Variants in SLCO3A1 observed in about 807,000 individuals in gnomAD.
The protein encoded by SLCO3A1 is PGE1 transporter.
A neutral mutation model predicts 63.1 loss-of-function variants in SLCO3A1; 27 were observed. The ratio of observed to expected loss-of-function variants is 0.43; its 90% CI spans 0.32 to 0.59. SLCO3A1 has a LOEUF of 0.59. Ranked by LOEUF, SLCO3A1 falls within the 20% of genes least tolerant of loss-of-function variation. The probability of loss-of-function intolerance (pLI) is 0.09; values close to 1 mark genes in which losing one functional copy is unlikely to be tolerated. For missense variants in SLCO3A1, 773 were observed against 945.8 expected (o/e 0.82, Z 2.40); for synonymous variants, 473 against 409.9 (o/e 1.15, Z -1.86).
chr15:92,113,951 C>T (rs2047760760), intron 4 of SLCO3A1, among the ~76,000 whole-genome samples: 1 of 152,182 alleles, frequency 6.6e-6, no homozygotes, highest in Admixed American at 6.5e-5. Flanking sequence ...AATTTTGATT[C>T]TGTGAGTAGA....
rs779836358 is a variant in SLCO3A1, at chr15:91,865,418, A to G, written c.180+11330A>G. On this transcript the variant is annotated intron_variant, in intron 1 of 9. Coordinates refer to ENST00000318445, the MANE Select transcript of SLCO3A1 (RefSeq NM_013272.4). The surrounding 1 kb of genome is among the most constrained non-coding windows in gnomAD (Gnocchi z 4.6). Reference sequence around the variant, plus strand: ...ATGAGATGGTAGGCATTTCAGAAGGAAAAAACCAGGTCTATTCATTAACTA... The same window carrying G: ...ATGAGATGGTAGGCATTTCAGAAGGGAAAAACCAGGTCTATTCATTAACTA... Among the ~76,000 whole-genome samples, 1 of 152,152 alleles carries G rather than the reference A, an allele frequency of 6.6e-6. No homozygotes were observed. The highest frequency in any genetic ancestry group is 1.5e-5 in the Non-Finnish European group (1 of 68,042).
chr15:92,081,627 C>G (rs2047347816), intron 2 of SLCO3A1, among the ~76,000 whole-genome samples: 1 of 152,224 alleles, frequency 6.6e-6, no homozygotes, highest in Non-Finnish European at 1.5e-5. Context: ...CTCGGCCTCC[C>G]AAAGTCCTGG....
chr15:91,892,087 T>C (rs1172131402), intron 1 of SLCO3A1, among the ~76,000 whole-genome samples: 1 of 152,224 alleles, frequency 6.6e-6, no homozygotes. Flanking sequence ...TCCCCCCAGC[T>C]TTGCCCTTTT....
chr15:92,049,337 A>G (rs1251631883), intron 2 of SLCO3A1, among the ~76,000 whole-genome samples: 1 of 152,188 alleles, frequency 6.6e-6, no homozygotes, highest in Non-Finnish European at 1.5e-5. Context: ...TGATTGGCTC[A>G]GCTCGGGTGA....
chr15:91,879,172 G>C (rs930999938), intron 1 of SLCO3A1, among the ~76,000 whole-genome samples: 1 of 152,176 alleles, frequency 6.6e-6, no homozygotes, highest in Non-Finnish European at 1.5e-5. Context: ...TGGTTATATA[G>C]AATATCTGTT....
At chr15:92,052,114 C>T (rs1395756152) in intron 2 of SLCO3A1, among the ~76,000 whole-genome samples, 1 of 152,126 alleles carries the variant, frequency 6.6e-6, no homozygotes, top group African/African-American at 2.4e-5. Flanking sequence ...ATATCCCCAA[C>T]CCCTCCTTGC....
chr15:91,872,261 G>A lies in SLCO3A1; in HGVS notation c.180+18173G>A, dbSNP rs1021676007. Among the ~76,000 whole-genome samples, 1 of 152,166 alleles carries A rather than the reference G, an allele frequency of 6.6e-6. No individual in the cohort carries two copies. Among genetic ancestry groups the A allele is most frequent in the Non-Finnish European group, 1.5e-5 (1 of 68,026 alleles). ...GTTAAAGAATGTGCTGGATGGGCAC[G>A]GTGGCTCACGCCTGTAATCCCAGCA... On this transcript the variant is annotated intron_variant, in intron 1 of 9. Coordinates refer to ENST00000318445, the MANE Select transcript of SLCO3A1 (RefSeq NM_013272.4). This position sits in a 1 kb window ranked among gnomAD's most constrained non-coding sequence, Gnocchi z 4.1.
rs996303970 is a variant in SLCO3A1 at position 91,954,249 on chromosome 15, G to A, written c.646+37791G>A. On this transcript the variant is annotated intron_variant, in intron 2 of 9. Coordinates refer to ENST00000318445, the MANE Select transcript of SLCO3A1 (RefSeq NM_013272.4). The surrounding 1 kb of genome is among the most constrained non-coding windows in gnomAD (Gnocchi z 4.7). The stretch of plus-strand genomic sequence containing the variant: ...TGAGAATTCCATTGGATTAGAAGCT[G>A]TGCGGGTGCCCCTACGTTCTCACTT... Among the ~76,000 whole-genome samples the A allele has an allele frequency of 6.6e-6, 1 of 152,218 alleles. No individual in the cohort carries two copies. Among genetic ancestry groups the A allele is most frequent in the Non-Finnish European group, 1.5e-5 (1 of 68,030 alleles).
intron 3 of SLCO3A1, among the ~76,000 whole-genome samples, chr15:92,096,258 A>C (rs556857119): frequency 6.6e-6 from 1 of 152,338 alleles, no homozygotes; most frequent in African/African-American, 2.4e-5. Flanking sequence ...ACCCAAGAGA[A>C]GGTGAGAGAG....
chr15:92,162,593 A>C (rs1391742096), intron 9 of SLCO3A1, 163 bp from the exon 10 acceptor site: 2 of 1,166,940 alleles, frequency 1.7e-6, no homozygotes, highest in Non-Finnish European at 2.3e-6. Context: ...AAAAAGGCAG[A>C]ACTGGGACAC....
intron 1 of SLCO3A1, among the ~76,000 whole-genome samples, chr15:91,881,912 C>T (rs1897598617): frequency 6.6e-6 from 1 of 152,142 alleles, no homozygotes; most frequent in Non-Finnish European, 1.5e-5. Flanking sequence ...CTGCTCCATC[C>T]CTGGCCAGGT....
At chr15:91,964,273 A>G (rs978129744) in intron 2 of SLCO3A1, among the ~76,000 whole-genome samples, 2 of 151,314 alleles carry the variant, frequency 1.3e-5, no homozygotes, top group African/African-American at 4.9e-5. Context: ...CTAAAAGTAG[A>G]TACAACGGCC....
chr15:92,029,211 C>G (rs2046615257), intron 2 of SLCO3A1, among the ~76,000 whole-genome samples: 1 of 152,106 alleles, frequency 6.6e-6, no homozygotes, highest in African/African-American at 2.4e-5. Context: ...ACTTCTATGC[C>G]AGGTCTCTGA....
At chr15:92,110,486 C>A (rs2151551566) in intron 4 of SLCO3A1, among the ~76,000 whole-genome samples, 1 of 152,268 alleles carries the variant, frequency 6.6e-6, no homozygotes, top group Middle Eastern at 3.4e-3. Flanking sequence ...TCCACGCCCA[C>A]CTCACTGGTC....
At chr15:92,040,191 G>C (rs1307965304) in intron 2 of SLCO3A1, among the ~76,000 whole-genome samples, 1 of 152,128 alleles carries the variant, frequency 6.6e-6, no homozygotes, top group Non-Finnish European at 1.5e-5. Context: ...TTCTGCACTT[G>C]TATCCCAGAA....
chr15:91,981,377 G>A (rs929743750), intron 2 of SLCO3A1, among the ~76,000 whole-genome samples: 4 of 152,094 alleles, frequency 2.6e-5, no homozygotes, highest in South Asian at 2.1e-4. Flanking sequence ...CTCGGAATCC[G>A]CGCGTATCTC....
At position 91,939,903 on chromosome 15, in the gene SLCO3A1, A is replaced by G. The variant is rs115206202; in HGVS notation, c.646+23445A>G. Among the ~76,000 whole-genome samples, 478 of 152,218 alleles carry G rather than the reference A, an allele frequency of 3.1e-3. 2 individuals carry two copies. Among genetic ancestry groups the G allele is most frequent in the African/African-American group, 0.011 (465 of 41,540 alleles). ...TTCCCACGGGCCAGACACTGGTTCT[A>G]TCTACTTAGCACAGAGAGGCCTAGT... On this transcript the variant is annotated intron_variant, in intron 2 of 9. Transcript: ENST00000318445.
At chr15:92,159,707 ATTG>A (rs1244004925) in intron 9 of SLCO3A1, among the ~76,000 whole-genome samples, 1 of 151,810 alleles carries the variant, frequency 6.6e-6, no homozygotes, top group Non-Finnish European at 1.5e-5. Context: ...TAGCTTTCAA[ATTG>A]TTGTTTAGAG....
At chr15:92,015,205 G>A (rs2046411536) in intron 2 of SLCO3A1, among the ~76,000 whole-genome samples, 1 of 152,086 alleles carries the variant, frequency 6.6e-6, no homozygotes, top group African/African-American at 2.4e-5. Context: ...TTAATGCCAG[G>A]AGCTTTCCGT....
Sources: gnomAD v4.1 joint callset for allele counts (sites outside exome capture counted in the v4.1 genomes callset) on GRCh38, gnomAD v4.1.1 for gene constraint, Gnocchi (gnomAD v3.1) non-coding constraint, MANE v1.5 for transcripts, NCBI Gene and HGNC (gene_info 2026-07-23, HGNC 2026-07-21) for gene names.